The following SLC12A8 variants were observed in gnomAD, a reference collection of about 807,000 sequenced individuals.
SLC12A8 encodes the protein cation-chloride cotransporter 9.
SLC12A8 carries 69 observed loss-of-function variants against 75.6 expected under a neutral mutation model. That is an observed-to-expected ratio of 0.91 (90% CI 0.75 to 1.11). SLC12A8 has a LOEUF of 1.11. Among genes scored for constraint, SLC12A8 ranks in the 50% most tolerant of loss-of-function variants. The pLI, the probability that SLC12A8 is intolerant of heterozygous loss-of-function variation, is 0.00. For synonymous variants in SLC12A8, 365 were observed against 372.8 expected (o/e 0.98, Z 0.24); for missense variants, 877 against 896.7 (o/e 0.98, Z 0.28).
At chr3:125,120,414 A>T (rs991028982) in intron 7 of SLC12A8, among the ~76,000 whole-genome samples, 185 bp downstream of exon 7, 2 of 152,156 alleles carry the variant, frequency 1.3e-5, no homozygotes, top group Non-Finnish European at 2.9e-5. Context: ...GGCGCATGAA[A>T]GGGCAGTGTC....
intron 5 of SLC12A8, among the ~76,000 whole-genome samples, chr3:125,150,596 A>G (rs954483036): frequency 2.0e-5 from 3 of 152,162 alleles, no homozygotes; most frequent in African/African-American, 7.2e-5. Context: ...GATACAGGAA[A>G]TCTCCAAACC....
chr3:125,163,543 G>A lies in SLC12A8; in HGVS notation c.622+14200C>T, dbSNP rs557039692. Among the ~76,000 whole-genome samples, 3 of 148,898 alleles carry A rather than the reference G, an allele frequency of 2.0e-5. No homozygotes were observed. In the East Asian group the frequency reaches 5.9e-4, roughly 29 times the overall value. On this transcript the variant is annotated intron_variant, in intron 5 of 13. Transcript: ENST00000469902. ...GAACCTGGGAGGCAGAGCTTGGAGT[G>A]AGCTGAGATTGCGCCACTGCACTCC...
chr3:125,106,622 A>AT (rs890043527), intron 10 of SLC12A8, among the ~76,000 whole-genome samples: 11 of 152,244 alleles, frequency 7.2e-5, no homozygotes, highest in Admixed American at 6.5e-4. Flanking sequence ...TCAGGCTGGG[A>AT]TTATAGACGT....
chr3:125,168,857 C>G (rs1302338990), intron 5 of SLC12A8, among the ~76,000 whole-genome samples: 2 of 152,172 alleles, frequency 1.3e-5, no homozygotes, highest in Non-Finnish European at 2.9e-5. Context: ...CCTCCCTCAC[C>G]CAGCAGAAGC....
At chr3:125,179,806 A>G (rs1334176597) in intron 4 of SLC12A8, among the ~76,000 whole-genome samples, 2 of 152,212 alleles carry the variant, frequency 1.3e-5, no homozygotes, top group Non-Finnish European at 2.9e-5. Context: ...CTAAACACCA[A>G]GAGTGTGATG....
At chr3:125,167,878 C>A (rs924513405) in intron 5 of SLC12A8, among the ~76,000 whole-genome samples, 8 of 152,220 alleles carry the variant, frequency 5.3e-5, no homozygotes, top group African/African-American at 1.4e-4. Flanking sequence ...ATTGGAGATA[C>A]AACCAAATGG....
intron 6 of SLC12A8, among the ~76,000 whole-genome samples, chr3:125,130,467 T>C (rs1189170830): frequency 5.3e-5 from 8 of 151,896 alleles, no homozygotes; most frequent in Non-Finnish European, 1.2e-4. Context: ...TGGCATGCTG[T>C]TGTAATCCCA....
At chr3:125,149,444 T>C (rs1486733193) in intron 5 of SLC12A8, among the ~76,000 whole-genome samples, 1 of 152,194 alleles carries the variant, frequency 6.6e-6, no homozygotes, top group Non-Finnish European at 1.5e-5. Flanking sequence ...AAGGCATGCC[T>C]GCTGCTGGCC....
intron 5 of SLC12A8, among the ~76,000 whole-genome samples, chr3:125,153,122 A>G (rs1300763078): frequency 1.3e-5 from 2 of 152,120 alleles, no homozygotes; most frequent in Non-Finnish European, 2.9e-5. Flanking sequence ...TACGTTTCCT[A>G]GGACTGTGTC....
At chr3:125,177,653 G>C (rs1272430483) in intron 5 of SLC12A8, 90 bp downstream of exon 5, 6 of 902,710 alleles carry the variant, frequency 6.6e-6, no homozygotes, top group Non-Finnish European at 1.0e-5. Flanking sequence ...TGGGGGTTAG[G>C]GGGAGATGGG....
intron 9 of SLC12A8, 52 bp from the exon 10 acceptor site, chr3:125,108,178 T>G (rs1293741520): frequency 1.3e-6 from 2 of 1,528,236 alleles, no homozygotes; most frequent in East Asian, 4.5e-5. Flanking sequence ...ATAGAACGCT[T>G]CAGAGATTTC....
intron 2 of SLC12A8, among the ~76,000 whole-genome samples, chr3:125,201,704 A>G (rs1179119053): frequency 3.6e-4 from 2 of 5,498 alleles, no homozygotes; most frequent in Non-Finnish European, 1.1e-3. Context: ...CCATGATTGA[A>G]AAAAAAAAAA....
At chr3:125,134,489 A>G (rs979168778) in intron 6 of SLC12A8, among the ~76,000 whole-genome samples, 1 of 152,204 alleles carries the variant, frequency 6.6e-6, no homozygotes, top group South Asian at 2.1e-4. Context: ...CTGTTGATGA[A>G]CATTCAAGCT....
At chr3:125,150,277 G>A (rs1560068365) in intron 5 of SLC12A8, among the ~76,000 whole-genome samples, 1 of 152,040 alleles carries the variant, frequency 6.6e-6, no homozygotes, top group East Asian at 1.9e-4. Flanking sequence ...CAGAATTTAG[G>A]GCCTAAGCAC....
At chr3:125,091,678 C>A in intron 11 of SLC12A8, 122 bp from the exon 12 acceptor site, 2 of 676,880 alleles carry the variant, frequency 3.0e-6, no homozygotes, top group Non-Finnish European at 2.6e-6. Context: ...CTGTAAAAGT[C>A]TGAATAATTG....
chr3:125,087,093 CT>C (rs369422119), intron 13 of SLC12A8, among the ~76,000 whole-genome samples: 17,018 of 131,170 alleles, frequency 0.13, 992 homozygotes, highest in African/African-American at 0.22. Context: ...ATGTATTTCA[CT>C]TTTTTTTTTT....
intron 5 of SLC12A8, among the ~76,000 whole-genome samples, chr3:125,139,522 G>A (rs1043713077): frequency 6.6e-6 from 1 of 152,158 alleles, no homozygotes; most frequent in Non-Finnish European, 1.5e-5. Flanking sequence ...CCCCTGTCCT[G>A]AGCCAGTCCC....
chr3:125,095,801 T>G (rs938618334), intron 10 of SLC12A8, among the ~76,000 whole-genome samples: 2 of 152,172 alleles, frequency 1.3e-5, no homozygotes, highest in African/African-American at 4.8e-5. Context: ...TCCCACGGAG[T>G]TGGAACACCC....
intron 2 of SLC12A8, among the ~76,000 whole-genome samples, chr3:125,193,955 C>A (rs984674296): frequency 3.3e-5 from 5 of 152,202 alleles, no homozygotes; most frequent in African/African-American, 7.2e-5. Context: ...ATTTGGGCCC[C>A]AGTCCTCAAT....
Sources: gnomAD v4.1 joint callset for allele counts (sites outside exome capture counted in the v4.1 genomes callset) on GRCh38, gnomAD v4.1.1 for gene constraint, MANE v1.5 for transcripts, NCBI Gene and HGNC (gene_info 2026-07-23, HGNC 2026-07-21) for gene names.